The following CUL4A variants were observed in gnomAD, a reference collection of about 807,000 sequenced individuals.
CUL4A encodes cullin 4A, also known as cullin-4A.
In CUL4A, 16 loss-of-function variants were observed where a neutral mutation model predicts 95.5. That is an observed-to-expected ratio of 0.17 (90% confidence interval 0.11 to 0.25). The LOEUF (loss-of-function observed/expected upper bound fraction) is 0.25, where lower values mean the gene tolerates loss of function less well. CUL4A is among the 10% of genes least tolerant of loss of function. The pLI is 1.00. For synonymous variants in CUL4A, 380 were observed against 353.1 expected (o/e 1.08, Z -0.85); for missense variants, 610 against 937.0 (o/e 0.65, Z 4.56).
At chr13:113,236,917 T>A in intron 9 of CUL4A, 27 bp downstream of exon 9, 1 of 1,500,112 alleles carries the variant, frequency 6.7e-7, no homozygotes, top group Non-Finnish European at 9.3e-7. Context: ...TTGTGCAAAT[T>A]AAACTGAACA....
upstream of CUL4A, chr13:113,208,777 G>C: frequency 7.0e-7 from 1 of 1,423,828 alleles, no homozygotes; most frequent in East Asian, 2.7e-5. Context: ...GAGAACCTGG[G>C]GACCGGCTCG....
chr13:113,215,166 A>G (rs1207052501), intron 2 of CUL4A, among the ~76,000 whole-genome samples: 10 of 143,172 alleles, frequency 7.0e-5, no homozygotes, highest in African/African-American at 1.3e-4. Flanking sequence ...CTGTGTGACT[A>G]TGGAGGTCTC....
intron 2 of CUL4A, among the ~76,000 whole-genome samples, chr13:113,217,628 G>A (rs1297193797): frequency 6.6e-6 from 1 of 152,156 alleles, no homozygotes; most frequent in Admixed American, 6.5e-5. Flanking sequence ...ACTTGTGTAA[G>A]TATTAGTAAA....
intron 2 of CUL4A, 151 bp downstream of exon 2, chr13:113,210,239 A>T (rs1470161972): frequency 1.5e-5 from 8 of 517,688 alleles, no homozygotes; most frequent in Non-Finnish European, 2.7e-5. Context: ...CCCCAGAGGC[A>T]ACAAGTGGTT....
chr13:113,227,431 C>T (rs963920413), intron 3 of CUL4A, among the ~76,000 whole-genome samples: 4 of 152,220 alleles, frequency 2.6e-5, no homozygotes, highest in African/African-American at 9.7e-5. Flanking sequence ...GGCTTGTCCA[C>T]TCTCATGACC....
chr13:113,229,677 G>A (rs930320558), intron 5 of CUL4A, 158 bp downstream of exon 5: 5 of 614,230 alleles, frequency 8.1e-6, no homozygotes, highest in Non-Finnish European at 5.7e-6. Flanking sequence ...AGTCCAGGTG[G>A]GTCTTAGCCT....
At chr13:113,260,827 C>G in intron 19 of CUL4A, 68 bp downstream of exon 19, 1 of 1,200,032 alleles carries the variant, frequency 8.3e-7, no homozygotes, top group South Asian at 1.4e-5. Context: ...ATGTTTAATT[C>G]TATGTTCAGT....
Position 113,233,487 on chromosome 13 carries a change from G to A in CUL4A, c.675+148G>A, listed in dbSNP as rs1261126794. ...CTTTAAAATCCCTAGAAGGGGAATAGCGCTCAAGCTAACACCACACCAGGT... is the reference window on the plus strand; with the variant it reads ...CTTTAAAATCCCTAGAAGGGGAATAACGCTCAAGCTAACACCACACCAGGT... On this transcript the variant is annotated intron_variant, in intron 6 of 19. Coordinates refer to ENST00000375440, the MANE Select transcript of CUL4A (RefSeq NM_001008895.4). 4.0e-6 allele frequency: 3 copies of A among 743,296 alleles called. No individual in the cohort carries two copies. In the East Asian group the frequency reaches 8.1e-5, roughly 20 times the overall value. The allele number at this position is 743,296 out of a possible 1,614,324, so 46.0% of individuals were successfully genotyped here.
At chr13:113,214,331 A>G (rs2040564624) in intron 2 of CUL4A, among the ~76,000 whole-genome samples, 1 of 152,164 alleles carries the variant, frequency 6.6e-6, no homozygotes, top group South Asian at 2.1e-4. Flanking sequence ...GGTCTGTAAT[A>G]ACTAACTCCT....
At chr13:113,221,413 C>T (rs1433761051) in intron 3 of CUL4A, among the ~76,000 whole-genome samples, 3 of 152,210 alleles carry the variant, frequency 2.0e-5, no homozygotes, top group African/African-American at 7.2e-5. Context: ...TTTTAAGTAT[C>T]TGTCATGTGC....
chr13:113,253,242 A>C, intron 16 of CUL4A, 47 bp downstream of exon 16: 1 of 1,058,120 alleles, frequency 9.5e-7, no homozygotes, highest in Middle Eastern at 3.1e-4. Context: ...AAATATGTTA[A>C]TATAATTTTT....
At chr13:113,234,852 G>A (rs1205485225) in intron 7 of CUL4A, among the ~76,000 whole-genome samples, 1 of 152,162 alleles carries the variant, frequency 6.6e-6, no homozygotes, top group Non-Finnish European at 1.5e-5. Flanking sequence ...CCCTGTTGTA[G>A]GATGGATGTT....
chr13:113,260,556 TA>T (rs772727035), intron 18 of CUL4A, 50 bp from the exon 19 acceptor site: 3 of 1,532,410 alleles, frequency 2.0e-6, no homozygotes, highest in Non-Finnish European at 2.6e-6. Context: ...TCGCAAAAAA[TA>T]AAAAGAAAAT....
In CUL4A at chr13:113,245,825, C is replaced by T. The variant is rs951384432; in HGVS notation, c.1531-131C>T. 3.0e-5 allele frequency: 21 copies of T among 703,610 alleles called. No homozygotes were observed. The African/African-American group carries it at 3.6e-4, about 12-fold the overall frequency. The allele number at this position is 703,610 out of a possible 1,614,324, so 43.6% of individuals were successfully genotyped here. On this transcript the variant is annotated intron_variant, in intron 14 of 19. Transcript: ENST00000375440. The stretch of plus-strand genomic sequence containing the variant: ...GTGAGGCATTGGGTTTCATGGAATA[C>T]ATTCTGGGGACTGAGATAAATTCTA...
chr13:113,221,696 G>A (rs886887083), intron 3 of CUL4A, among the ~76,000 whole-genome samples: 1 of 152,122 alleles, frequency 6.6e-6, no homozygotes, highest in African/African-American at 2.4e-5. Context: ...TCCTGCCTCG[G>A]CCTTTCCAGT....
At chr13:113,208,753 G>A (rs943917869), upstream of CUL4A, 45 of 1,469,718 alleles carry the variant, frequency 3.1e-5, no homozygotes, top group Admixed American at 7.0e-5. Flanking sequence ...GGGTGCGCAG[G>A]TTGGTTCCGG....
intron 18 of CUL4A, among the ~76,000 whole-genome samples, chr13:113,258,857 G>A (rs1253142999): frequency 1.3e-5 from 2 of 152,186 alleles, no homozygotes; most frequent in Non-Finnish European, 2.9e-5. Flanking sequence ...CAGCATCGTT[G>A]CCAAAAGGGG....
chr13:113,235,388 T>C (rs1338646915), intron 8 of CUL4A, among the ~76,000 whole-genome samples: 3 of 152,266 alleles, frequency 2.0e-5, no homozygotes, highest in Non-Finnish European at 4.4e-5. Context: ...TTGGCATCTT[T>C]GAGTTTTGAG....
rs747199100 is a variant in CUL4A at position 113,264,720 on chromosome 13, A to G, written c.*1138A>G. On this transcript the variant is annotated 3_prime_UTR_variant, in exon 20 of 20. Transcript: ENST00000375440. Reference sequence around the variant, plus strand: ...AAAAGCTACCAAAGGAATTTTGATCATGGCATAAGTGTTTAAAGCAATATT... The same window carrying G: ...AAAAGCTACCAAAGGAATTTTGATCGTGGCATAAGTGTTTAAAGCAATATT... 6.6e-6 allele frequency: 1 copy of G among 152,666 alleles called. No homozygotes were observed. The highest frequency in any genetic ancestry group is 2.1e-4 in the South Asian group (1 of 4,836). The allele number at this position is 152,666 out of a possible 1,614,324, so 9.5% of individuals were successfully genotyped here.
Sources: allele counts gnomAD v4.1 joint callset (sites outside exome capture counted in the v4.1 genomes callset), GRCh38; gene constraint gnomAD v4.1.1; transcripts MANE v1.5; gene names NCBI Gene and HGNC (gene_info 2026-07-23, HGNC 2026-07-21).